The following EFHB variants were observed in gnomAD, a reference collection of about 807,000 sequenced individuals.
The protein encoded by EFHB is EF-hand domain-containing family member B.
A neutral mutation model predicts 87.2 loss-of-function variants in EFHB; 91 were observed. The observed-to-expected ratio is 1.04, with a 90% CI of 0.88 to 1.24. The LOEUF (loss-of-function observed/expected upper bound fraction) is 1.24, where lower values mean the gene tolerates loss of function less well. Among genes scored for constraint, EFHB ranks in the 50% most tolerant of loss-of-function variants. The pLI is 0.00. For synonymous variants in EFHB, 325 were observed against 333.6 expected (o/e 0.97, Z 0.28); for missense variants, 1,084 against 998.8 (o/e 1.09, Z -1.15).
chr3:19,882,059 ATAAT>A (rs538306966), intron 12 of EFHB, among the ~76,000 whole-genome samples: 3,100 of 107,958 alleles, frequency 0.029, 53 homozygotes, highest in African/African-American at 0.074. Flanking sequence ...AAATAAATAA[ATAAT>A]TAAATAAGAC....
At position 19,934,111 on chromosome 3, in the gene EFHB, G is replaced by GAACC; in HGVS notation, c.-97_-94dup. 1 of 1,470,732 alleles carries GAACC rather than the reference G, an allele frequency of 6.8e-7. No individual in the cohort carries two copies. Among genetic ancestry groups the GAACC allele is most frequent in the Non-Finnish European group, 9.0e-7 (1 of 1,117,016 alleles). The allele number at this position is 1,470,732 out of a possible 1,614,324, so 91.1% of individuals were successfully genotyped here. A position where few individuals can be genotyped will look rare whatever the true frequency, so the allele number is the denominator to read the frequency against. Reference sequence around the variant, plus strand: ...ACAAAGACGCCTCCAATCCCTTGCGGAACCCCTCTCTCAGGAAAGAGCACA... The same window carrying GAACC: ...ACAAAGACGCCTCCAATCCCTTGCGGAACCAACCCCTCTCTCAGGAAAGAGCACA... On this transcript the variant is annotated 5_prime_UTR_variant, in exon 1 of 13. Transcript: ENST00000295824.
rs775905775 is a variant in EFHB at position 19,888,520 on chromosome 3, A to C, written c.1857T>G (p.Tyr619Ter). ...AGTTAAGAAAATTTGCGAATTCCAGATAGTTAATGAAGCCATCATTATCCA... is the reference window on the plus strand; with the variant it reads ...AGTTAAGAAAATTTGCGAATTCCAGCTAGTTAATGAAGCCATCATTATCCA... Reference protein sequence around the residue: ...CDVDNDGFINYLEFANFLNWK... With the variant: ...CDVDNDGFIN The change falls in exon 10 of 13, where the codon TAT (tyrosine) becomes TAG (stop). Residue 619 changes from tyrosine (Y) to a stop codon, truncating the protein, a stop_gained. Coordinates refer to ENST00000295824, the MANE Select transcript of EFHB (RefSeq NM_144715.4). LOFTEE classifies it high-confidence loss of function. 11 of 1,582,466 alleles carry C rather than the reference A, an allele frequency of 7.0e-6. No homozygotes were observed. In the South Asian group the frequency reaches 1.2e-4, roughly 17 times the overall value.
At chr3:19,938,236 G>A (rs2929345), upstream of EFHB, among the ~76,000 whole-genome samples, 97,763 of 152,108 alleles carry the variant, frequency 0.64, 31,947 homozygotes, top group African/African-American at 0.72. Context: ...GATTACGGTA[G>A]TGTTCCGTAT....
At chr3:19,923,314 C>T (rs1238276457) in intron 1 of EFHB, among the ~76,000 whole-genome samples, 1 of 151,120 alleles carries the variant, frequency 6.6e-6, no homozygotes, top group Admixed American at 6.6e-5. Context: ...CCATGCAACA[C>T]ACACACAGCT....
In EFHB at chr3:19,879,724, CT is replaced by C. The variant is rs755106397; in HGVS notation, c.2408del (p.Lys803SerfsTer16). The stretch of plus-strand genomic sequence containing the variant: ...CAACACAAACTTCTCCTCTGTGATG[CT>C]TTTTTGATGCAAGATTCCATACATT... ...FENVWNLASKKHHRGEVCVEN... is the reference protein window; with the variant it reads ...FENVWNLASKXHHRGEVCVEN... On this transcript the variant is annotated frameshift_variant, in exon 13 of 13. Transcript: ENST00000295824. LOFTEE classifies it high-confidence loss of function. The C allele has an allele frequency of 2.7e-5, 44 of 1,610,390 alleles. No individual in the cohort carries two copies. Among genetic ancestry groups the C allele is most frequent in the Non-Finnish European group, 3.6e-5 (42 of 1,179,012 alleles).
At chr3:19,913,333 A>C (rs1695122958) in intron 5 of EFHB, among the ~76,000 whole-genome samples, 1 of 152,230 alleles carries the variant, frequency 6.6e-6, no homozygotes, top group Non-Finnish European at 1.5e-5. Flanking sequence ...ATTAGAACTG[A>C]TAAATTCAGT....
At chr3:19,885,555 G>C (rs950422055) in intron 10 of EFHB, among the ~76,000 whole-genome samples, 3 of 152,146 alleles carry the variant, frequency 2.0e-5, no homozygotes, top group African/African-American at 4.8e-5. Context: ...TTTCAGATCT[G>C]GTTACTACAT....
At chr3:19,906,292 G>A (rs956716666) in intron 5 of EFHB, among the ~76,000 whole-genome samples, 4 of 152,316 alleles carry the variant, frequency 2.6e-5, no homozygotes, top group African/African-American at 7.2e-5. Flanking sequence ...TCGTGCCACT[G>A]CACTCCAGCC....
At chr3:19,943,312 A>C in intron 1 of EFHB, 1 of 226,070 alleles carries the variant, frequency 4.4e-6, no homozygotes. Flanking sequence ...AGGTCCTTTA[A>C]ACAGGGTTGT....
chr3:19,896,421 A>G, intron 9 of EFHB: 1 of 494,616 alleles, frequency 2.0e-6, no homozygotes, highest in African/African-American at 1.9e-5. Flanking sequence ...TCTTCTGTTA[A>G]GGGGCAAATA....
intron 2 of EFHB, 147 bp from the exon 3 acceptor site, chr3:19,920,123 CT>C: frequency 1.2e-6 from 1 of 826,674 alleles, no homozygotes; most frequent in Non-Finnish European, 1.8e-6. Context: ...GAACATCCCC[CT>C]AAAATGTATT....
intron 1 of EFHB, among the ~76,000 whole-genome samples, chr3:19,932,695 A>T (rs2929352): frequency 0.62 from 94,274 of 151,558 alleles, 29,666 homozygotes; most frequent in African/African-American, 0.65. Context: ...GTGTTTTTAT[A>T]AATTTAGATA....
At chr3:19,898,893 C>G (rs773802627) in intron 7 of EFHB, 48 bp from the exon 8 acceptor site, 35 of 1,570,506 alleles carry the variant, frequency 2.2e-5, no homozygotes, top group Non-Finnish European at 3.1e-5. Flanking sequence ...CACATGGCAT[C>G]TCTGGAATTT....
At chr3:19,881,323 T>C (rs1299758670) in intron 12 of EFHB, among the ~76,000 whole-genome samples, 2 of 152,190 alleles carry the variant, frequency 1.3e-5, no homozygotes, top group African/African-American at 2.4e-5. Flanking sequence ...CTATCAGTAG[T>C]ATGCTGACTA....
chr3:19,942,971 GT>G (rs892115694), intron 1 of EFHB: 74 of 244,852 alleles, frequency 3.0e-4, no homozygotes, highest in African/African-American at 1.2e-3. Flanking sequence ...CTGGACAGAA[GT>G]TTTTTTTATC....
intron 5 of EFHB, among the ~76,000 whole-genome samples, chr3:19,906,513 T>C (rs1004229905): frequency 1.3e-5 from 2 of 152,118 alleles, no homozygotes; most frequent in African/African-American, 4.8e-5. Context: ...GTAAAAGACC[T>C]GTACACTGAA....
At chr3:19,894,989 A>AAAAAAAATATATATATATAT (rs369564576) in intron 9 of EFHB, 44 of 144,510 alleles carry the variant, frequency 3.0e-4, no homozygotes, top group African/African-American at 1.1e-3. Context: ...TGTCTCAAAA[A>AAAAAAAATATATATATATAT]ATATATATAT....
intron 6 of EFHB, among the ~76,000 whole-genome samples, chr3:19,903,052 C>A (rs541328672): frequency 7.3e-4 from 111 of 152,030 alleles, no homozygotes; most frequent in Admixed American, 1.2e-3. Context: ...TGGCACACAC[C>A]TGTAATTCCT....
chr3:19,880,229 CATTTATTTATTTATTT>C (rs59492875), intron 12 of EFHB, among the ~76,000 whole-genome samples: 1 of 147,500 alleles, frequency 6.8e-6, no homozygotes, highest in African/African-American at 2.5e-5. Context: ...ACATTAGTTT[CATTTATTTATTTATTT>C]ATTTATTTAT....
Sources: allele counts gnomAD v4.1 joint callset (sites outside exome capture counted in the v4.1 genomes callset), GRCh38; gene constraint gnomAD v4.1.1; transcripts MANE v1.5; gene names NCBI Gene and HGNC (gene_info 2026-07-23, HGNC 2026-07-21).